The following ARHGAP15 variants were observed in gnomAD, a reference collection of about 807,000 sequenced individuals.
The protein encoded by ARHGAP15 is rho GTPase-activating protein 15.
A neutral mutation model predicts 63.7 loss-of-function variants in ARHGAP15; 51 were observed. That is an observed-to-expected ratio of 0.80 (90% confidence interval 0.64 to 1.01). The LOEUF is 1.01. Among genes scored for constraint, ARHGAP15 ranks in the 50% least tolerant of loss-of-function variants. The pLI is 0.00. For missense variants in ARHGAP15, 560 were observed against 564.6 expected, an observed-to-expected ratio of 0.99 and a Z score of 0.08; for synonymous variants, 191 against 193.8, an observed-to-expected ratio of 0.99 and a Z score of 0.12.
chr2:143,409,819 G>A (rs1185237627), intron 6 of ARHGAP15, among the ~76,000 whole-genome samples: 3 of 152,012 alleles, frequency 2.0e-5, no homozygotes, highest in Admixed American at 6.5e-5. Flanking sequence ...TAAGTGTGTG[G>A]TAGGCTATAC....
At chr2:143,287,797 C>T (rs2105106015) in intron 6 of ARHGAP15, among the ~76,000 whole-genome samples, 1 of 152,084 alleles carries the variant, frequency 6.6e-6, no homozygotes, top group South Asian at 2.1e-4. Flanking sequence ...TAGCAAGACT[C>T]TGTCCCAAAA....
At chr2:143,356,771 A>G (rs1485016389) in intron 6 of ARHGAP15, among the ~76,000 whole-genome samples, 1 of 152,180 alleles carries the variant, frequency 6.6e-6, no homozygotes, top group African/African-American at 2.4e-5. Flanking sequence ...TTGAAATATG[A>G]TATTTTGAAC....
chr2:143,656,650 C>G (rs1681449574), intron 12 of ARHGAP15, among the ~76,000 whole-genome samples: 1 of 152,198 alleles, frequency 6.6e-6, no homozygotes, highest in African/African-American at 2.4e-5. Flanking sequence ...GCCCAGAGAT[C>G]TTGATTGAGA....
At chr2:143,641,332 A>C (rs1486498055) in intron 12 of ARHGAP15, 1 of 152,162 alleles carries the variant, frequency 6.6e-6, no homozygotes, top group Non-Finnish European at 1.5e-5. Flanking sequence ...AACTGCCATA[A>C]GATAACTACA....
intron 2 of ARHGAP15, among the ~76,000 whole-genome samples, chr2:143,178,992 G>T (rs17205123): frequency 6.6e-6 from 1 of 152,170 alleles, no homozygotes; most frequent in Non-Finnish European, 1.5e-5. Context: ...AAAGCCTTAG[G>T]CTCATTTAGA....
rs539235775 is a variant in ARHGAP15 at position 143,507,562 on chromosome 2, T to G, written c.827-11704T>G. On this transcript the variant is annotated intron_variant, in intron 9 of 13. Transcript: ENST00000295095. ...TCTCAGACTATTGGACATTAAACATTCAGAGTTGAAATATACCATTCATGC... is the reference window on the plus strand; with the variant it reads ...TCTCAGACTATTGGACATTAAACATGCAGAGTTGAAATATACCATTCATGC... Among the ~76,000 whole-genome samples the G allele has an allele frequency of 9.2e-5, 14 of 152,320 alleles. No homozygotes were observed. The East Asian group carries it at 2.3e-3, about 25-fold the overall frequency.
chr2:143,539,417 G>C (rs1311789304), intron 10 of ARHGAP15, among the ~76,000 whole-genome samples: 3 of 152,118 alleles, frequency 2.0e-5, no homozygotes, highest in African/African-American at 7.2e-5. Flanking sequence ...CTTGCCTTCT[G>C]CTAGCTTTTG....
intron 8 of ARHGAP15, among the ~76,000 whole-genome samples, chr2:143,453,766 A>T (rs2105139906): frequency 6.6e-6 from 1 of 151,828 alleles, no homozygotes; most frequent in African/African-American, 2.4e-5. Flanking sequence ...ATATCATATT[A>T]GCTTACTGAG....
chr2:143,637,831 G>A (rs1196600666), intron 12 of ARHGAP15, among the ~76,000 whole-genome samples: 1 of 151,296 alleles, frequency 6.6e-6, no homozygotes, highest in Non-Finnish European at 1.5e-5. Flanking sequence ...CCATCAAAAA[G>A]TGGGCGAAGG....
At chr2:143,700,320 A>G (rs143916001) in intron 12 of ARHGAP15, among the ~76,000 whole-genome samples, 68 of 152,296 alleles carry the variant, frequency 4.5e-4, no homozygotes, top group African/African-American at 1.4e-3. Flanking sequence ...GCAACGGCCA[A>G]TCTTTTCTAA....
At chr2:143,541,891 C>G (rs1574606898) in intron 10 of ARHGAP15, among the ~76,000 whole-genome samples, 1 of 152,356 alleles carries the variant, frequency 6.6e-6, no homozygotes, top group East Asian at 1.9e-4. Context: ...CGAACCACTA[C>G]TCTCTTCACA....
chr2:143,655,922 T>C (rs1279230006), intron 12 of ARHGAP15, among the ~76,000 whole-genome samples: 1 of 152,238 alleles, frequency 6.6e-6, no homozygotes, highest in African/African-American at 2.4e-5. Flanking sequence ...AGAATATCAT[T>C]TGGTTTTCTT....
chr2:143,503,380 G>A (rs1693162318), intron 9 of ARHGAP15, among the ~76,000 whole-genome samples: 2 of 152,138 alleles, frequency 1.3e-5, no homozygotes, highest in South Asian at 4.1e-4. Flanking sequence ...ACTTATTCAG[G>A]AAAACAGAGT....
intron 2 of ARHGAP15, among the ~76,000 whole-genome samples, chr2:143,198,300 T>C (rs921220137): frequency 6.6e-6 from 1 of 152,046 alleles, no homozygotes; most frequent in African/African-American, 2.4e-5. Context: ...ATTTGTACCA[T>C]GGACTCAATG....
rs769951560 is a variant in ARHGAP15 at position 143,542,736 on chromosome 2, A to G, written c.926-13672A>G. On this transcript the variant is annotated intron_variant, in intron 10 of 13. Coordinates refer to ENST00000295095, the MANE Select transcript of ARHGAP15 (RefSeq NM_018460.4). ...TGATATATATAATATCACATATATA[A>G]TATATATATGATATATATAATATCA... Among the ~76,000 whole-genome samples the G allele has an allele frequency of 4.9e-3, 312 of 63,628 alleles. 3 individuals carry two copies. The highest frequency in any genetic ancestry group is 7.7e-3 in the Non-Finnish European group (208 of 26,884). The allele number at this position is 63,628 out of a possible 152,430, so 41.7% of individuals were successfully genotyped here.
chr2:143,657,155 G>T (rs1294890030), intron 12 of ARHGAP15, among the ~76,000 whole-genome samples: 1 of 152,262 alleles, frequency 6.6e-6, no homozygotes, highest in East Asian at 1.9e-4. Context: ...GACCATCCTG[G>T]CTAACACGGT....
chr2:143,535,586 T>C (rs977756471), intron 10 of ARHGAP15, among the ~76,000 whole-genome samples: 1 of 152,204 alleles, frequency 6.6e-6, no homozygotes, highest in East Asian at 1.9e-4. Flanking sequence ...ATAATTAATA[T>C]TAACTTACGT....
At chr2:143,704,300 A>G (rs1684227087) in intron 13 of ARHGAP15, among the ~76,000 whole-genome samples, 1 of 152,180 alleles carries the variant, frequency 6.6e-6, no homozygotes. Flanking sequence ...TGCAAAGGTG[A>G]AGAGAGGAAG....
chr2:143,486,216 CGTTCA>C, intron 8 of ARHGAP15, among the ~76,000 whole-genome samples: 1 of 152,018 alleles, frequency 6.6e-6, no homozygotes, highest in Admixed American at 6.6e-5. Flanking sequence ...GGCAGTGGAG[CGTTCA>C]GTTAAGATAT....
Sources: allele counts gnomAD v4.1 joint callset (sites outside exome capture counted in the v4.1 genomes callset), GRCh38; gene constraint gnomAD v4.1.1; transcripts MANE v1.5; gene names NCBI Gene and HGNC (gene_info 2026-07-23, HGNC 2026-07-21).